Variants in PLA2G4A observed in about 807,000 individuals in gnomAD.
PLA2G4A encodes cytosolic phospholipase A2.
PLA2G4A carries 40 observed loss-of-function variants against 81.9 expected under a neutral mutation model. The observed-to-expected ratio is 0.49, with a 90% CI of 0.38 to 0.64. PLA2G4A has a LOEUF of 0.64. PLA2G4A is among the 30% of genes least tolerant of loss of function. PLA2G4A has a pLI of 0.00. For missense variants in PLA2G4A, 715 were observed against 905.1 expected (o/e 0.79, Z 2.69); for synonymous variants, 302 against 296.9 (o/e 1.02, Z -0.18).
At chr1:186,836,423 A>G (rs1237496297) in intron 1 of PLA2G4A, among the ~76,000 whole-genome samples, 5 of 152,112 alleles carry the variant, frequency 3.3e-5, no homozygotes, top group Admixed American at 3.3e-4. Context: ...TTATCATCAC[A>G]ATGAAAAGGA....
intron 1 of PLA2G4A, among the ~76,000 whole-genome samples, chr1:186,833,402 A>C (rs537761513): frequency 6.6e-6 from 1 of 152,276 alleles, no homozygotes; most frequent in African/African-American, 2.4e-5. Flanking sequence ...TCTTATTAAA[A>C]AGAAAAGTTT....
chr1:186,866,883 A>G (rs1306362037), intron 2 of PLA2G4A, among the ~76,000 whole-genome samples: 1 of 152,094 alleles, frequency 6.6e-6, no homozygotes, highest in African/African-American at 2.4e-5. Flanking sequence ...AGGCCCAGTT[A>G]TCATCTGTGT....
At chr1:186,983,413 CTCT>C (rs1657793357) in intron 17 of PLA2G4A, among the ~76,000 whole-genome samples, 1 of 152,190 alleles carries the variant, frequency 6.6e-6, no homozygotes, top group African/African-American at 2.4e-5. Context: ...GCAACGTTTC[CTCT>C]TCAATTCACT....
Position 186,938,954 on chromosome 1 carries a change from G to T in PLA2G4A, c.696-54G>T, listed in dbSNP as rs560088672. On this transcript the variant is annotated intron_variant, in intron 8 of 17. Coordinates refer to ENST00000367466, the MANE Select transcript of PLA2G4A (RefSeq NM_024420.3). ...ACAGAGTGTGCCTTCTTTCTTTGGA[G>T]ACTGTTGTGTAATGCTCTTTATCTT... The T allele has an allele frequency of 6.5e-6, 6 of 927,160 alleles. No homozygotes were observed. In the East Asian group the frequency reaches 1.4e-4, roughly 22 times the overall value. 57.4% of individuals were successfully genotyped at this position (927,160 alleles called of 1,614,324 possible). A position where few individuals can be genotyped will look rare whatever the true frequency, so the allele number is the denominator to read the frequency against.
intron 10 of PLA2G4A, among the ~76,000 whole-genome samples, chr1:186,940,566 G>A (rs1195694324): frequency 1.3e-5 from 2 of 152,130 alleles, no homozygotes; most frequent in Non-Finnish European, 2.9e-5. Flanking sequence ...ATGGCACAGT[G>A]TTTGCAGGTA....
chr1:186,988,234 GT>G (rs1461663155), intron 17 of PLA2G4A, 142 bp from the exon 18 acceptor site: 71 of 573,474 alleles, frequency 1.2e-4, no homozygotes, highest in Non-Finnish European at 1.2e-4. Flanking sequence ...ATTTAAATGT[GT>G]ATGCATGACT....
At chr1:186,936,099 A>G (rs185549064) in intron 8 of PLA2G4A, among the ~76,000 whole-genome samples, 14 of 152,042 alleles carry the variant, frequency 9.2e-5, no homozygotes, top group Admixed American at 2.6e-4. Flanking sequence ...TAGCATTGTA[A>G]GGGGCTATTG....
rs1571350819 is a variant in PLA2G4A, at chr1:186,870,437, G to C, written c.36G>C (p.Val12=). The change falls in exon 3 of 18, where the codon GTG becomes GTC. Residue 12 remains valine, a splice_region_variant and synonymous_variant. Coordinates refer to ENST00000367466, the MANE Select transcript of PLA2G4A (RefSeq NM_024420.3). ...ATTTACTGTCATTTTATTTCCAGGT[G>C]GAGCACCAGTATTCCCACAAGTTTA... The part of the protein sequence containing the change: ...SFIDPYQHII[V]EHQYSHKFTV... The C allele has an allele frequency of 6.3e-7, 1 of 1,581,080 alleles. No homozygotes were observed. Among genetic ancestry groups the C allele is most frequent in the African/African-American group, 1.3e-5 (1 of 74,370 alleles).
intron 8 of PLA2G4A, among the ~76,000 whole-genome samples, chr1:186,937,749 T>A (rs1656006272): frequency 6.6e-6 from 1 of 151,168 alleles, no homozygotes; most frequent in African/African-American, 2.4e-5. Context: ...AATAGCCTAC[T>A]GGGGAGAGGA....
chr1:186,933,807 G>T (rs991882785), intron 8 of PLA2G4A, among the ~76,000 whole-genome samples: 1 of 152,104 alleles, frequency 6.6e-6, no homozygotes, highest in Admixed American at 6.6e-5. Context: ...CAAATGATTT[G>T]TCCAACATCA....
chr1:186,872,807 G>C (rs1277411639), intron 3 of PLA2G4A, among the ~76,000 whole-genome samples: 4 of 151,972 alleles, frequency 2.6e-5, no homozygotes, highest in Non-Finnish European at 4.4e-5. Flanking sequence ...TAATCTCCTG[G>C]GACAGGGAAC....
At chr1:186,920,520 C>T (rs747128587) in intron 7 of PLA2G4A, among the ~76,000 whole-genome samples, 14 of 152,218 alleles carry the variant, frequency 9.2e-5, no homozygotes, top group Non-Finnish European at 2.1e-4. Flanking sequence ...CGCTTGAGCC[C>T]GGTCCCCTTC....
At chr1:186,886,610 T>G (rs1653946883) in intron 3 of PLA2G4A, among the ~76,000 whole-genome samples, 1 of 152,212 alleles carries the variant, frequency 6.6e-6, no homozygotes, top group African/African-American at 2.4e-5. Context: ...CGTTTAGTCA[T>G]TTCTACTTTG....
rs780589663 is a variant in PLA2G4A, at chr1:186,954,069, ACTCAG to A, written c.1337-2027_1337-2023del. On this transcript the variant is annotated intron_variant, in intron 13 of 17. Transcript: ENST00000367466. ...TACTGAATGAAAGATCTCTTCATTT[ACTCAG>A]CTCAGTTAAACAAATACCTGTGAAG... Among the ~76,000 whole-genome samples, 74 of 152,302 alleles carry A rather than the reference ACTCAG, an allele frequency of 4.9e-4. 2 individuals are homozygous for A. The Middle Eastern group carries it at 0.01, about 21-fold the overall frequency.
Position 186,988,603 on chromosome 1 carries a change from G to C in PLA2G4A, c.*95G>C. 1 of 1,059,326 alleles carries C rather than the reference G, an allele frequency of 9.4e-7. No homozygotes were observed. The highest frequency in any genetic ancestry group is 1.5e-6 in the Non-Finnish European group (1 of 686,476). 65.6% of individuals were successfully genotyped at this position (1,059,326 alleles called of 1,614,324 possible). A position where few individuals can be genotyped will look rare whatever the true frequency, so the allele number is the denominator to read the frequency against. On this transcript the variant is annotated 3_prime_UTR_variant, in exon 18 of 18. Coordinates refer to ENST00000367466, the MANE Select transcript of PLA2G4A (RefSeq NM_024420.3). The stretch of plus-strand genomic sequence containing the variant: ...AAAGTACAGTACAGATAGTCGTACT[G>C]ATCATGAGAGACTGGCTGATACTCA...
chr1:186,858,554 G>A (rs1017036610), intron 2 of PLA2G4A, among the ~76,000 whole-genome samples: 2 of 151,972 alleles, frequency 1.3e-5, no homozygotes, highest in Admixed American at 6.6e-5. Flanking sequence ...TCTGTAGGTT[G>A]CCTGTTCACT....
rs1468383735 is a variant in PLA2G4A, at chr1:186,857,077, T to TAA, written c.33+2690_33+2691insAA. Among the ~76,000 whole-genome samples, 33 of 18,160 alleles carry TAA rather than the reference T, an allele frequency of 1.8e-3. 8 individuals are homozygous for TAA. Among genetic ancestry groups the TAA allele is most frequent in the African/African-American group, 0.012 (20 of 1,612 alleles). 11.9% of individuals were successfully genotyped at this position (18,160 alleles called of 152,430 possible). On this transcript the variant is annotated intron_variant, in intron 2 of 17. Transcript: ENST00000367466. ...GTCTGCCATGCAGCCCCCACATATATTATACATATATAATATATAATATAA... is the reference window on the plus strand; with the variant it reads ...GTCTGCCATGCAGCCCCCACATATATAATATACATATATAATATATAATATAA...
At chr1:186,912,748 A>AGG (rs1261301062) in intron 7 of PLA2G4A, among the ~76,000 whole-genome samples, 1 of 143,600 alleles carries the variant, frequency 7.0e-6, no homozygotes, top group Non-Finnish European at 1.5e-5. Context: ...ATACATATAT[A>AGG]TGTATATATA....
intron 8 of PLA2G4A, among the ~76,000 whole-genome samples, chr1:186,938,050 G>T (rs1571420425): frequency 1.3e-5 from 2 of 152,148 alleles, no homozygotes; most frequent in East Asian, 1.9e-4. Context: ...TCCTTGGTTG[G>T]ATGAAGTGAT....
Sources: allele counts gnomAD v4.1 joint callset (sites outside exome capture counted in the v4.1 genomes callset), GRCh38; gene constraint gnomAD v4.1.1; transcripts MANE v1.5; gene names NCBI Gene and HGNC (gene_info 2026-07-23, HGNC 2026-07-21).